The following ADAM32 variants were observed in gnomAD, a reference collection of about 807,000 sequenced individuals.
ADAM32 encodes disintegrin and metalloproteinase domain-containing protein 32.
In ADAM32, 89 loss-of-function variants were observed where a neutral mutation model predicts 114.9. That is an observed-to-expected ratio of 0.77 (90% CI 0.65 to 0.92). The LOEUF (loss-of-function observed/expected upper bound fraction) is 0.92, where lower values mean the gene tolerates loss of function less well. Ranked by LOEUF, ADAM32 falls within the 40% of genes least tolerant of loss-of-function variation. The pLI is 0.00. For missense variants in ADAM32, 870 were observed against 932.8 expected (o/e 0.93, Z 0.88); for synonymous variants, 285 against 307.5 (o/e 0.93, Z 0.77).
intron 16 of ADAM32, among the ~76,000 whole-genome samples, chr8:39,236,708 A>G (rs1810168254): frequency 6.6e-6 from 1 of 152,222 alleles, no homozygotes; most frequent in Non-Finnish European, 1.5e-5. Flanking sequence ...GTTACCTGGA[A>G]AATCCCCATA....
rs1179554611 is a variant in ADAM32 at position 39,257,330 on chromosome 8, T to C, written c.2149T>C (p.Phe717Leu). 1.2e-6 allele frequency: 2 copies of C among 1,613,222 alleles called. No individual in the cohort carries two copies. Among genetic ancestry groups the C allele is most frequent in the Admixed American group, 3.3e-5 (2 of 59,918 alleles). Reference sequence around the variant, plus strand: ...AAAGTGGTTCGCCAAGGAAGAGGAATTCCCAAGTAGCGAGTAAATTGCATT... The same window carrying C: ...AAAGTGGTTCGCCAAGGAAGAGGAACTCCCAAGTAGCGAGTAAATTGCATT... The part of the protein sequence containing the change: ...LKKWFAKEEE[F>L]PSSESKSEGS... The change falls in exon 19 of 25, where the codon TTC becomes CTC. Residue 717 changes from phenylalanine to leucine, a missense_variant. By Grantham distance (22) the Phe-to-Leu change is conservative. Transcript: ENST00000379907.
At chr8:39,191,446 T>C (rs982212695) in intron 11 of ADAM32, among the ~76,000 whole-genome samples, 1 of 152,240 alleles carries the variant, frequency 6.6e-6, no homozygotes, top group East Asian at 1.9e-4. Flanking sequence ...ATAACCATTC[T>C]GATTGGTATG....
At chr8:39,256,239 A>G (rs1376752450) in intron 18 of ADAM32, among the ~76,000 whole-genome samples, 1 of 151,950 alleles carries the variant, frequency 6.6e-6, no homozygotes, top group Admixed American at 6.6e-5. Context: ...ATTTCTCTTT[A>G]CTGATATCAT....
At chr8:39,200,926 A>G (rs190122250) in intron 11 of ADAM32, among the ~76,000 whole-genome samples, 150 of 152,184 alleles carry the variant, frequency 9.9e-4, no homozygotes, top group African/African-American at 3.5e-3. Context: ...CCAAGATCAG[A>G]TGGTTATAGA....
At chr8:39,148,593 G>A (rs1308256002) in intron 4 of ADAM32, among the ~76,000 whole-genome samples, 2 of 151,610 alleles carry the variant, frequency 1.3e-5, no homozygotes, top group Non-Finnish European at 2.9e-5. Flanking sequence ...TCATCCCGAG[G>A]GCAGGGCTTT....
At chr8:39,176,876 C>T (rs892244693) in intron 10 of ADAM32, among the ~76,000 whole-genome samples, 2 of 152,046 alleles carry the variant, frequency 1.3e-5, no homozygotes, top group East Asian at 1.9e-4. Flanking sequence ...ACTCCTGTAT[C>T]GGGTGCTTAT....
At chr8:39,166,012 A>G (rs552746264) in intron 9 of ADAM32, 14 of 152,130 alleles carry the variant, frequency 9.2e-5, no homozygotes, top group African/African-American at 3.1e-4. Context: ...ATAATTTGTA[A>G]GGGTTTTTAA....
chr8:39,183,557 CTCA>C (rs1806045536), intron 10 of ADAM32, among the ~76,000 whole-genome samples: 1 of 152,194 alleles, frequency 6.6e-6, no homozygotes, highest in Non-Finnish European at 1.5e-5. Flanking sequence ...CCCATCTTTC[CTCA>C]TCATCACTCA....
At chr8:39,139,315 C>A (rs572843756) in intron 3 of ADAM32, among the ~76,000 whole-genome samples, 1 of 152,264 alleles carries the variant, frequency 6.6e-6, no homozygotes, top group Admixed American at 6.5e-5. Flanking sequence ...TTAGGTCTTA[C>A]ATTTAAGTCT....
At chr8:39,215,465 A>G (rs1014170366) in intron 12 of ADAM32, among the ~76,000 whole-genome samples, 25 of 151,872 alleles carry the variant, frequency 1.6e-4, no homozygotes, top group African/African-American at 6.0e-4. Context: ...CTTGATTTTC[A>G]GATTGTTCAC....
chr8:39,249,006 C>T (rs533892138), intron 17 of ADAM32, among the ~76,000 whole-genome samples: 1 of 151,718 alleles, frequency 6.6e-6, no homozygotes, highest in South Asian at 2.1e-4. Flanking sequence ...AGGTTCACGC[C>T]ATTCTCCTGC....
At chr8:39,145,128 A>G (rs1803422525) in intron 3 of ADAM32, among the ~76,000 whole-genome samples, 2 of 152,230 alleles carry the variant, frequency 1.3e-5, no homozygotes, top group South Asian at 4.1e-4. Flanking sequence ...AGATCTGTAT[A>G]CTGAGAGCTA....
At chr8:39,177,768 A>C (rs1305315890) in intron 10 of ADAM32, among the ~76,000 whole-genome samples, 2 of 152,074 alleles carry the variant, frequency 1.3e-5, no homozygotes, top group Non-Finnish European at 2.9e-5. Flanking sequence ...TTTGTTTATG[A>C]AGCTTAGTTT....
At chr8:39,232,200 C>T in intron 15 of ADAM32, 65 bp downstream of exon 15, 1 of 1,302,978 alleles carries the variant, frequency 7.7e-7, no homozygotes, top group Admixed American at 2.2e-5. Flanking sequence ...AACTTTGCCC[C>T]CTTCTGTGTC....
chr8:39,130,957 T>TTTTTTC, intron 2 of ADAM32: 1 of 115,026 alleles, frequency 8.7e-6, no homozygotes, highest in Non-Finnish European at 1.8e-5. Context: ...GGAGGATGTC[T>TTTTTTC]TTTTTTTTTT....
At chr8:39,178,240 C>G (rs1805641952) in intron 10 of ADAM32, among the ~76,000 whole-genome samples, 1 of 152,054 alleles carries the variant, frequency 6.6e-6, no homozygotes, top group African/African-American at 2.4e-5. Context: ...CTGTTCTTGC[C>G]TGAATGTCTT....
chr8:39,222,745 C>T (rs1809066125), intron 13 of ADAM32, among the ~76,000 whole-genome samples: 1 of 151,998 alleles, frequency 6.6e-6, no homozygotes, highest in Non-Finnish European at 1.5e-5. Context: ...AATAAATTTC[C>T]TAAGCTTAAA....
At chr8:39,233,586 C>T (rs1312007000) in intron 15 of ADAM32, among the ~76,000 whole-genome samples, 1 of 152,064 alleles carries the variant, frequency 6.6e-6, no homozygotes. Flanking sequence ...CCTGTCTCAT[C>T]CTGTGACTAA....
intron 9 of ADAM32, chr8:39,168,577 A>G (rs1462635781): frequency 1.3e-5 from 2 of 151,972 alleles, no homozygotes; most frequent in South Asian, 2.1e-4. Flanking sequence ...AAACTTTTAC[A>G]TTTCATATGG....
Sources: gnomAD v4.1 joint callset for allele counts (sites outside exome capture counted in the v4.1 genomes callset) on GRCh38, gnomAD v4.1.1 for gene constraint, MANE v1.5 for transcripts, NCBI Gene and HGNC (gene_info 2026-07-23, HGNC 2026-07-21) for gene names.